The following NRG1 variants were observed in gnomAD, a reference collection of about 807,000 sequenced individuals.
NRG1 encodes neuregulin 1, also known as pro-neuregulin-1, membrane-bound isoform.
NRG1 carries 18 observed loss-of-function variants against 63.8 expected under a neutral mutation model. The observed-to-expected ratio is 0.28, with a 90% confidence interval of 0.19 to 0.42. The LOEUF (loss-of-function observed/expected upper bound fraction) is 0.42. NRG1 is among the 10% of genes least tolerant of loss of function. NRG1 has a pLI of 1.00. For missense variants in NRG1, 762 were observed against 814.7 expected (o/e 0.94, Z 0.79); for synonymous variants, 302 against 301.3 (o/e 1.00, Z -0.02).
chr8:32,725,764 G>A (rs772389430), intron 5 of NRG1, among the ~76,000 whole-genome samples: 7 of 151,740 alleles, frequency 4.6e-5, no homozygotes, highest in African/African-American at 1.7e-4. Context: ...GTGATCCACC[G>A]TACCCAGCCC....
chr8:31,738,313 G>A (rs908988383), intron 1 of NRG1, among the ~76,000 whole-genome samples: 3 of 152,110 alleles, frequency 2.0e-5, no homozygotes, highest in East Asian at 3.9e-4. Context: ...GCCTTTCAAA[G>A]GTAAGAGCTT....
At chr8:32,524,375 C>A (rs535138369) in intron 1 of NRG1, among the ~76,000 whole-genome samples, 4 of 152,156 alleles carry the variant, frequency 2.6e-5, no homozygotes, top group African/African-American at 7.2e-5. Flanking sequence ...TTTCCTTCTA[C>A]GGCAACAAAT....
intron 2 of NRG1, among the ~76,000 whole-genome samples, chr8:32,601,357 A>G (rs1452596321): frequency 6.6e-6 from 1 of 152,184 alleles, no homozygotes; most frequent in Non-Finnish European, 1.5e-5. Flanking sequence ...TTCTCTGCAC[A>G]GAGATATTCT....
chr8:31,913,851 C>T (rs1833149604), intron 1 of NRG1, among the ~76,000 whole-genome samples: 1 of 152,102 alleles, frequency 6.6e-6, no homozygotes, highest in South Asian at 2.1e-4. Context: ...TTAATATCAG[C>T]CATTAATTCT....
At chr8:32,017,391 T>C (rs1815715381) in intron 1 of NRG1, among the ~76,000 whole-genome samples, 1 of 152,180 alleles carries the variant, frequency 6.6e-6, no homozygotes, top group South Asian at 2.1e-4. Context: ...GTGTAGCAGC[T>C]TCTCCACACC....
At chr8:32,531,470 T>C (rs1831446139) in intron 1 of NRG1, among the ~76,000 whole-genome samples, 1 of 151,962 alleles carries the variant, frequency 6.6e-6, no homozygotes, top group African/African-American at 2.4e-5. Context: ...GATAAAATGG[T>C]CAAGAAAAGC....
At chr8:31,979,738 G>A (rs1394684532) in intron 1 of NRG1, among the ~76,000 whole-genome samples, 2 of 151,980 alleles carry the variant, frequency 1.3e-5, no homozygotes, top group Non-Finnish European at 2.9e-5. Context: ...TTGGCATACT[G>A]TTAATAATGA....
At chr8:31,856,107 G>C (rs868568945) in intron 1 of NRG1, among the ~76,000 whole-genome samples, 4,420 of 148,966 alleles carry the variant, frequency 0.03, 143 homozygotes, top group African/African-American at 0.11. Context: ...TTGCTCTTCT[G>C]GAGGAGTATC....
chr8:32,070,122 A>G (rs1462900), intron 1 of NRG1, among the ~76,000 whole-genome samples: 1 of 152,050 alleles, frequency 6.6e-6, no homozygotes, highest in Non-Finnish European at 1.5e-5. Flanking sequence ...CATGTATTTA[A>G]GTATGAAGGT....
At chr8:31,702,160 G>A (rs1810691148) in intron 1 of NRG1, among the ~76,000 whole-genome samples, 3 of 152,178 alleles carry the variant, frequency 2.0e-5, no homozygotes, top group Admixed American at 6.5e-5. Flanking sequence ...CTTTAGCAGT[G>A]GAAACAGTTG....
In NRG1 at chr8:32,561,859, G is replaced by A. The variant is rs1023991607; in HGVS notation, c.100+13033G>A. Among the ~76,000 whole-genome samples the A allele has an allele frequency of 2.6e-5, 4 of 151,652 alleles. No individual in the cohort carries two copies. The East Asian group carries it at 7.7e-4, about 29-fold the overall frequency. The stretch of plus-strand genomic sequence containing the variant: ...TATTTATTTAGGGTTTTTGGGGGGT[G>A]GGGGGTGGAGGAGCTTGGGGGAATG... On this transcript the variant is annotated intron_variant, in intron 1 of 11. Coordinates refer to ENST00000356819, the Ensembl canonical transcript of NRG1.
intron 1 of NRG1, among the ~76,000 whole-genome samples, chr8:32,115,387 G>GTT (rs1170764154): frequency 1.3e-5 from 2 of 151,830 alleles, no homozygotes; most frequent in Non-Finnish European, 2.9e-5. Context: ...TAATGCATAT[G>GTT]TTATATATAT....
At chr8:32,763,874 C>T in exon 12 of NRG1, 2 of 1,614,122 alleles carry the variant, frequency 1.2e-6, no homozygotes, top group Non-Finnish European at 1.7e-6. Flanking sequence ...CCATGCCTTC[C>T]ATGGCGGTCA....
intron 1 of NRG1, among the ~76,000 whole-genome samples, chr8:32,358,368 G>GAAA (rs34976612): frequency 2.0e-5 from 2 of 99,022 alleles, no homozygotes; most frequent in South Asian, 3.8e-4. Context: ...TGCCATTTAT[G>GAAA]AAAAAAAAAA....
At chr8:32,364,075 C>CTTTTTTTTT (rs932903875) in intron 1 of NRG1, among the ~76,000 whole-genome samples, 3 of 65,522 alleles carry the variant, frequency 4.6e-5, no homozygotes, top group Non-Finnish European at 8.3e-5. Flanking sequence ...TCTGACTAGT[C>CTTTTTTTTT]TTTTTTTTTT....
At chr8:32,660,684 A>G (rs1802634311) in intron 5 of NRG1, among the ~76,000 whole-genome samples, 1 of 152,200 alleles carries the variant, frequency 6.6e-6, no homozygotes, top group South Asian at 2.1e-4. Flanking sequence ...CAGCATGCAC[A>G]CTATGAACTA....
intron 1 of NRG1, among the ~76,000 whole-genome samples, chr8:32,411,037 A>AGG (rs1814862483): frequency 6.6e-6 from 1 of 151,946 alleles, no homozygotes; most frequent in African/African-American, 2.4e-5. Flanking sequence ...CACCATGCCC[A>AGG]GCTAATTTTT....
chr8:32,027,182 G>C (rs1261751313), intron 1 of NRG1, among the ~76,000 whole-genome samples: 2 of 152,056 alleles, frequency 1.3e-5, no homozygotes, highest in African/African-American at 4.8e-5. Flanking sequence ...TCATGAGTTT[G>C]TGAGTAGGGT....
chr8:32,668,393 T>C (rs1255869410), intron 5 of NRG1, among the ~76,000 whole-genome samples: 3 of 152,104 alleles, frequency 2.0e-5, no homozygotes, highest in African/African-American at 7.2e-5. Context: ...CTATCACTAG[T>C]GGGTCTCAGT....
Sources: allele counts gnomAD v4.1 joint callset (sites outside exome capture counted in the v4.1 genomes callset), GRCh38; gene constraint gnomAD v4.1.1; transcripts MANE v1.5; gene names NCBI Gene and HGNC (gene_info 2026-07-23, HGNC 2026-07-21).